Variants in MARCHF11 observed in about 807,000 individuals in gnomAD.
The protein encoded by MARCHF11 is membrane associated ring-CH-type finger 11, also known as E3 ubiquitin-protein ligase MARCHF11.
Under a neutral mutation model 37.3 loss-of-function variants are expected in MARCHF11, and 29 were observed. The ratio of observed to expected loss-of-function variants is 0.78; its 90% confidence interval spans 0.58 to 1.06. The LOEUF (loss-of-function observed/expected upper bound fraction) is 1.06, where lower values mean the gene tolerates loss of function less well. Ranked by LOEUF, MARCHF11 falls within the 50% of genes least tolerant of loss-of-function variation. The probability of loss-of-function intolerance (pLI) is 0.00; values close to 1 mark genes in which losing one functional copy is unlikely to be tolerated. For missense variants in MARCHF11, 482 were observed against 533.4 expected (o/e 0.90, Z 0.95); for synonymous variants, 233 against 228.0 (o/e 1.02, Z -0.20).
intron 2 of MARCHF11, among the ~76,000 whole-genome samples, chr5:16,153,948 T>C (rs1482974509): frequency 6.6e-6 from 1 of 151,902 alleles, no homozygotes; most frequent in Admixed American, 6.6e-5. Context: ...ATGTGATGTC[T>C]GGAGCTAAAG....
chr5:16,165,108 T>C (rs573143384), intron 2 of MARCHF11, among the ~76,000 whole-genome samples: 1 of 152,180 alleles, frequency 6.6e-6, no homozygotes, highest in Non-Finnish European at 1.5e-5. Context: ...GGTGTCACTC[T>C]TCCCCTTCCA....
intron 2 of MARCHF11, among the ~76,000 whole-genome samples, chr5:16,158,633 A>G (rs115139980): frequency 5.5e-4 from 84 of 152,098 alleles, no homozygotes; most frequent in African/African-American, 2.0e-3. Context: ...GGTTAGACAG[A>G]AGAAATAAGC....
chr5:16,091,694 T>C (rs1736793074), intron 2 of MARCHF11, among the ~76,000 whole-genome samples: 1 of 152,212 alleles, frequency 6.6e-6, no homozygotes, highest in Non-Finnish European at 1.5e-5. Context: ...CCATGAAGTA[T>C]TTTTGTCAAG....
chr5:16,179,561 G>T lies in MARCHF11; in HGVS notation c.15C>A (p.Gly5=). 3.4e-6 allele frequency: 4 copies of T among 1,183,764 alleles called. No individual in the cohort carries two copies. Among genetic ancestry groups the T allele is most frequent in the Non-Finnish European group, 4.2e-6 (4 of 957,388 alleles). 73.3% of individuals were successfully genotyped at this position (1,183,764 alleles called of 1,614,324 possible). A position where few individuals can be genotyped will look rare whatever the true frequency, so the allele number is the denominator to read the frequency against. Residue 5 remains glycine, a synonymous_variant, in exon 1 of 4, where the codon GGC becomes GGA. Transcript: ENST00000332432. ...CGCGACACCGACTGCCGCCGTGGCC[G>T]CCCTCAAAGCTCATGGTTGTGCCGC... is the stretch of plus-strand genomic sequence containing the variant. MSFE[G]GHGGSRCRGA...
intron 2 of MARCHF11, among the ~76,000 whole-genome samples, chr5:16,142,194 C>CG (rs1560987415): frequency 6.6e-6 from 1 of 152,134 alleles, no homozygotes; most frequent in African/African-American, 2.4e-5. Context: ...TGGTTAAAAT[C>CG]GGGGGAAGGT....
At chr5:16,110,978 G>C (rs1015779674) in intron 2 of MARCHF11, among the ~76,000 whole-genome samples, 2 of 152,164 alleles carry the variant, frequency 1.3e-5, no homozygotes, top group Non-Finnish European at 2.9e-5. Flanking sequence ...GTTTTATAAG[G>C]GGAAATTCCT....
At position 16,179,217 on chromosome 5, in the gene MARCHF11, C is replaced by G. The variant is rs1207781021; in HGVS notation, c.359G>C (p.Gly120Ala). 5 of 1,350,746 alleles carry G rather than the reference C, an allele frequency of 3.7e-6. No homozygotes were observed. The South Asian group carries it at 8.9e-5, about 24-fold the overall frequency. The allele number at this position is 1,350,746 out of a possible 1,614,324, so 83.7% of individuals were successfully genotyped here. A position where few individuals can be genotyped will look rare whatever the true frequency, so the allele number is the denominator to read the frequency against. Residue 120 changes from glycine to alanine, a missense_variant, in exon 1 of 4, where the codon GGG becomes GCG. Physicochemically the swap from Gly to Ala is moderately conservative, Grantham distance 60 (BLOSUM62 0). Transcript: ENST00000332432. ...PEAAAAKGGPGESEAGAGGER... is the reference protein window; with the variant it reads ...PEAAAAKGGPAESEAGAGGER... ...GCCGCCCGCGCCGGCCTCAGACTCC[C>G]CGGGGCCGCCTTTCGCTGCTGCCGC...
At chr5:16,079,642 AG>A (rs1736574100) in intron 3 of MARCHF11, among the ~76,000 whole-genome samples, 1 of 152,114 alleles carries the variant, frequency 6.6e-6, no homozygotes, top group Non-Finnish European at 1.5e-5. Context: ...GTGATTCTGC[AG>A]GGGGCTCAGC....
chr5:16,128,446 A>G (rs1486181591), intron 2 of MARCHF11, among the ~76,000 whole-genome samples: 2 of 152,188 alleles, frequency 1.3e-5, no homozygotes, highest in South Asian at 2.1e-4. Context: ...CTGAGGAGCT[A>G]TCAACTGCCA....
In MARCHF11 at chr5:16,179,479, T is replaced by G. The variant is rs1253922432; in HGVS notation, c.97A>C (p.Thr33Pro). 173 of 1,131,606 alleles carry G rather than the reference T, an allele frequency of 1.5e-4. No individual in the cohort carries two copies. The highest frequency in any genetic ancestry group is 3.7e-4 in the Middle Eastern group (1 of 2,696). The allele number at this position is 1,131,606 out of a possible 1,614,324, so 70.1% of individuals were successfully genotyped here. Residue 33 changes from threonine to proline, a missense_variant, in exon 1 of 4, where the codon ACG becomes CCG. Thr to Pro is a conservative substitution (Grantham distance 38). Transcript: ENST00000332432. Reference sequence around the variant, plus strand: ...GGGGCCGGCTCTCCCGGCGGCGGCGTCGGCGGCGGCGGCGGGGGAGGTTGC... The same window carrying G: ...GGGGCCGGCTCTCCCGGCGGCGGCGGCGGCGGCGGCGGCGGGGGAGGTTGC... ...PPQPPPPPPP[T>P]PPPGEPAPVP...
At chr5:16,068,416 C>G (rs111296634) in intron 3 of MARCHF11, among the ~76,000 whole-genome samples, 1 of 152,180 alleles carries the variant, frequency 6.6e-6, no homozygotes, top group South Asian at 2.1e-4. Flanking sequence ...TAGCACTTAC[C>G]CCGTTTGGCA....
In MARCHF11 at chr5:16,090,879, A is replaced by G; in HGVS notation, c.886+10T>C. ...TGACAGTGTGTTAACGTTGAAGGTC[A>G]TGGTCTTACCTATGCACACTAGATC... On this transcript the variant is annotated intron_variant, in intron 3 of 3. Coordinates refer to ENST00000332432, the MANE Select transcript of MARCHF11 (RefSeq NM_001102562.3). The G allele has an allele frequency of 6.6e-7, 1 of 1,522,146 alleles. No homozygotes were observed. The highest frequency in any genetic ancestry group is 8.9e-7 in the Non-Finnish European group (1 of 1,129,802). 94.3% of individuals were successfully genotyped at this position (1,522,146 alleles called of 1,614,324 possible). A position where few individuals can be genotyped will look rare whatever the true frequency, so the allele number is the denominator to read the frequency against.
chr5:16,178,268 G>A (rs138538474), intron 1 of MARCHF11, among the ~76,000 whole-genome samples: 187 of 152,284 alleles, frequency 1.2e-3, no homozygotes, highest in African/African-American at 4.4e-3. Flanking sequence ...GCGGCATTAT[G>A]CTTTTTTTTC....
intron 2 of MARCHF11, among the ~76,000 whole-genome samples, chr5:16,153,022 G>A (rs1737914335): frequency 6.6e-6 from 1 of 151,982 alleles, no homozygotes; most frequent in African/African-American, 2.4e-5. Flanking sequence ...AGGCACTGCA[G>A]AGGATGGAAA....
At chr5:16,118,284 C>T (rs1257731327) in intron 2 of MARCHF11, among the ~76,000 whole-genome samples, 1 of 152,192 alleles carries the variant, frequency 6.6e-6, no homozygotes, top group Non-Finnish European at 1.5e-5. Context: ...AATCGGGGAA[C>T]CAATCACAAA....
chr5:16,145,188 C>T (rs762164449), intron 2 of MARCHF11, among the ~76,000 whole-genome samples: 5 of 152,096 alleles, frequency 3.3e-5, no homozygotes, highest in Non-Finnish European at 5.9e-5. Flanking sequence ...AGAAATCTGC[C>T]AAACACTACC....
chr5:16,123,684 A>G (rs370981804), intron 2 of MARCHF11, among the ~76,000 whole-genome samples: 38 of 152,292 alleles, frequency 2.5e-4, no homozygotes, highest in African/African-American at 8.2e-4. Context: ...GACAAGCTAT[A>G]AGGCCAGAAG....
At chr5:16,097,612 C>G (rs1005421119) in intron 2 of MARCHF11, among the ~76,000 whole-genome samples, 1 of 152,130 alleles carries the variant, frequency 6.6e-6, no homozygotes, top group South Asian at 2.1e-4. Flanking sequence ...AGGTAACTTC[C>G]TTGGAAAACT....
intron 2 of MARCHF11, among the ~76,000 whole-genome samples, chr5:16,156,352 A>G (rs1053107187): frequency 6.6e-6 from 1 of 151,932 alleles, no homozygotes; most frequent in Non-Finnish European, 1.5e-5. Context: ...CATATCACAG[A>G]ACTGTCATCC....
Sources: gnomAD v4.1 joint callset for allele counts (sites outside exome capture counted in the v4.1 genomes callset) on GRCh38, gnomAD v4.1.1 for gene constraint, MANE v1.5 for transcripts, NCBI Gene and HGNC (gene_info 2026-07-23, HGNC 2026-07-21) for gene names.